THSD7B: variants seen among roughly 807,000 people sequenced by gnomAD.
THSD7B encodes thrombospondin type-1 domain-containing protein 7B.
A neutral mutation model predicts 213.6 loss-of-function variants in THSD7B; 138 were observed. The ratio of observed to expected loss-of-function variants is 0.65; its 90% CI spans 0.56 to 0.74. The LOEUF (loss-of-function observed/expected upper bound fraction) is 0.74. THSD7B is among the 30% of genes least tolerant of loss of function. The pLI is 0.00. For synonymous variants in THSD7B, 742 were observed against 687.0 expected (o/e 1.08, Z -1.25); for missense variants, 1,931 against 1,991.5 (o/e 0.97, Z 0.58).
At chr2:137,154,064 T>G (rs1389351910) in intron 5 of THSD7B, among the ~76,000 whole-genome samples, 1 of 152,146 alleles carries the variant, frequency 6.6e-6, no homozygotes, top group Non-Finnish European at 1.5e-5. Flanking sequence ...TGATGTTGTA[T>G]TCTGGAAATC....
At chr2:136,938,956 A>G in intron 2 of THSD7B, among the ~76,000 whole-genome samples, 1 of 152,364 alleles carries the variant, frequency 6.6e-6, no homozygotes, top group East Asian at 1.9e-4. Flanking sequence ...TGCTATAGAA[A>G]TTAAGACACA....
At chr2:137,519,324 A>G (rs1212407559) in intron 15 of THSD7B, among the ~76,000 whole-genome samples, 4 of 152,166 alleles carry the variant, frequency 2.6e-5, no homozygotes, top group East Asian at 1.9e-4. Context: ...AGATGTTGCC[A>G]TCTCTGGACT....
chr2:137,478,987 T>C (rs1688248211), intron 15 of THSD7B, among the ~76,000 whole-genome samples: 1 of 152,134 alleles, frequency 6.6e-6, no homozygotes, highest in Non-Finnish European at 1.5e-5. Flanking sequence ...CATATGCATA[T>C]GCTGGCACTG....
chr2:137,009,173 C>T (rs79476702), intron 2 of THSD7B, among the ~76,000 whole-genome samples: 2,379 of 152,266 alleles, frequency 0.016, 34 homozygotes, highest in East Asian at 0.07. Context: ...CCTCTGGTGA[C>T]TCTTTCAGGA....
intron 10 of THSD7B, among the ~76,000 whole-genome samples, chr2:137,267,933 T>A (rs1421411462): frequency 6.6e-6 from 1 of 152,204 alleles, no homozygotes; most frequent in Non-Finnish European, 1.5e-5. Flanking sequence ...CATCACTTTC[T>A]GAGAGCTACT....
At chr2:136,903,379 A>G (rs1343503471) in intron 2 of THSD7B, among the ~76,000 whole-genome samples, 1 of 152,182 alleles carries the variant, frequency 6.6e-6, no homozygotes, top group African/African-American at 2.4e-5. Context: ...TTTGAAGGCA[A>G]TCTTTCCTTG....
intron 10 of THSD7B, among the ~76,000 whole-genome samples, chr2:137,272,290 A>T (rs1682763146): frequency 6.6e-6 from 1 of 152,094 alleles, no homozygotes; most frequent in African/African-American, 2.4e-5. Context: ...GATTCTAATT[A>T]AACATATTAA....
chr2:137,569,477 T>C (rs1483850903), intron 16 of THSD7B, among the ~76,000 whole-genome samples: 1 of 152,144 alleles, frequency 6.6e-6, no homozygotes, highest in Non-Finnish European at 1.5e-5. Flanking sequence ...GGGGAGGGGA[T>C]GGGCAATCAC....
At chr2:136,844,668 G>A (rs1453812759) in intron 1 of THSD7B, among the ~76,000 whole-genome samples, 1 of 152,246 alleles carries the variant, frequency 6.6e-6, no homozygotes, top group Admixed American at 6.5e-5. Flanking sequence ...CAGACGTGGA[G>A]ATGGAGATGA....
At chr2:137,302,673 T>G (rs570605493) in intron 12 of THSD7B, among the ~76,000 whole-genome samples, 4 of 152,258 alleles carry the variant, frequency 2.6e-5, no homozygotes, top group Non-Finnish European at 5.9e-5. Flanking sequence ...TTTGCTCTTT[T>G]GTTTTGTTTC....
chr2:137,255,486 T>G (rs1682285689), intron 10 of THSD7B, among the ~76,000 whole-genome samples: 1 of 152,070 alleles, frequency 6.6e-6, no homozygotes, highest in Non-Finnish European at 1.5e-5. Context: ...TGGAAGTGGA[T>G]CTCCCTTCAC....
At chr2:137,389,402 A>ACTTTT (rs1685967896) in intron 12 of THSD7B, among the ~76,000 whole-genome samples, 9 of 38,052 alleles carry the variant, frequency 2.4e-4, no homozygotes, top group Non-Finnish European at 3.5e-4. Flanking sequence ...TCTTAATGTG[A>ACTTTT]TTTTTTTTTT....
At chr2:137,611,633 G>C (rs950544032) in intron 17 of THSD7B, among the ~76,000 whole-genome samples, 2 of 152,000 alleles carry the variant, frequency 1.3e-5, no homozygotes, top group Non-Finnish European at 2.9e-5. Flanking sequence ...ATATGTAATG[G>C]CTTGAAGTTT....
At chr2:136,799,673 C>T (rs1385606244) in intron 1 of THSD7B, among the ~76,000 whole-genome samples, 6 of 150,892 alleles carry the variant, frequency 4.0e-5, no homozygotes, top group Non-Finnish European at 7.4e-5. Flanking sequence ...ATATTTTACA[C>T]ATTTTTTTTT....
chr2:137,635,137 T>C (rs1682809932), intron 20 of THSD7B, among the ~76,000 whole-genome samples: 1 of 152,152 alleles, frequency 6.6e-6, no homozygotes, highest in South Asian at 2.1e-4. Flanking sequence ...ATAGCAAATT[T>C]ACCCTACTAT....
At chr2:137,175,183 T>C (rs1241034699) in intron 7 of THSD7B, among the ~76,000 whole-genome samples, 1 of 152,138 alleles carries the variant, frequency 6.6e-6, no homozygotes, top group Non-Finnish European at 1.5e-5. Context: ...CATGGGGTCA[T>C]TGGATAAACA....
In THSD7B at chr2:137,093,595, C is replaced by T. The variant is rs1399074054; in HGVS notation, c.951-1278C>T. ...TCGTTTTACTTTAGAATAGTGTTTT[C>T]TCTGTGCCTGAGAAGCTCCCATTAA... On this transcript the variant is annotated intron_variant, in intron 3 of 27. Coordinates refer to ENST00000409968, the MANE Select transcript of THSD7B (RefSeq NM_001316349.2). Among the ~76,000 whole-genome samples the T allele has an allele frequency of 2.6e-5, 4 of 152,262 alleles. No homozygotes were observed. In the East Asian group the frequency reaches 7.7e-4, roughly 29 times the overall value.
At chr2:137,511,631 C>T (rs1428862172) in intron 15 of THSD7B, among the ~76,000 whole-genome samples, 1 of 152,162 alleles carries the variant, frequency 6.6e-6, no homozygotes, top group Non-Finnish European at 1.5e-5. Context: ...ATGCTAACCT[C>T]TTACTTACTG....
At chr2:137,407,825 A>G (rs111626525) in intron 13 of THSD7B, among the ~76,000 whole-genome samples, 113 of 152,148 alleles carry the variant, frequency 7.4e-4, no homozygotes, top group African/African-American at 2.6e-3. Context: ...CTATGTCATC[A>G]CAGGTTTTAG....
Sources: gnomAD v4.1 joint callset for allele counts (sites outside exome capture counted in the v4.1 genomes callset) on GRCh38, gnomAD v4.1.1 for gene constraint, MANE v1.5 for transcripts, NCBI Gene and HGNC (gene_info 2026-07-23, HGNC 2026-07-21) for gene names.